Variants in AP5M1 observed in about 807,000 individuals in gnomAD.
AP5M1 encodes adaptor related protein complex 5 subunit mu 1.
Under a neutral mutation model 52.3 loss-of-function variants are expected in AP5M1, and 44 were observed. The observed-to-expected ratio is 0.84, with a 90% CI of 0.66 to 1.08. The LOEUF is 1.08. AP5M1 is among the 50% of genes least tolerant of loss of function. The pLI, the probability that AP5M1 is intolerant of heterozygous loss-of-function variation, is 0.00. For missense variants in AP5M1, 526 were observed against 568.4 expected (o/e 0.93, Z 0.76); for synonymous variants, 213 against 199.0 (o/e 1.07, Z -0.59).
Position 57,280,371 on chromosome 14 carries a change from T to G in AP5M1, c.897T>G (p.Phe299Leu), listed in dbSNP as rs1387552382. ...CTGCATTTAGTGGGCCTTACAAATT[T>G]CCATTCACTCCACCTTTAGAGTCAT... ...DDSAFSGPYKFPFTPPLESFN... is the reference protein window; with the variant it reads ...DDSAFSGPYKLPFTPPLESFN... Residue 299 changes from phenylalanine (F) to leucine (L), a missense_variant, in exon 3 of 8, where the codon TTT (phenylalanine) becomes TTG (leucine). Around this residue, in one of 3 missense-constraint regions of AP5M1, gnomAD observed 425 missense variants for 430.6 expected, o/e 0.99. Coordinates refer to ENST00000261558, the MANE Select transcript of AP5M1 (RefSeq NM_018229.4). 6.2e-7 allele frequency: 1 copy of G among 1,614,040 alleles called. No individual in the cohort carries two copies.
chr14:57,291,956 A>C lies in AP5M1; in HGVS notation c.*3072A>C, dbSNP rs1320946440. 1 of 151,898 alleles carries C rather than the reference A, an allele frequency of 6.6e-6. No homozygotes were observed. Among genetic ancestry groups the C allele is most frequent in the Non-Finnish European group, 1.5e-5 (1 of 67,846 alleles). The allele number at this position is 151,898 out of a possible 1,614,324, so 9.4% of individuals were successfully genotyped here. A position where few individuals can be genotyped will look rare whatever the true frequency, so the allele number is the denominator to read the frequency against. ...GTCAAAAAAAGGGGTGTTAATAAAC[A>C]GTCCTCAGGTTTAAGGGACTTTTTT... On this transcript the variant is annotated 3_prime_UTR_variant, in exon 8 of 8. Transcript: ENST00000261558.
chr14:57,274,075 T>G (rs1189898), intron 1 of AP5M1, among the ~76,000 whole-genome samples, 169 bp from the exon 2 acceptor site: 103,476 of 152,036 alleles, frequency 0.68, 37,145 homozygotes, highest in African/African-American at 0.92. Context: ...AACTTAATGG[T>G]CATTATAATT....
intron 2 of AP5M1, chr14:57,278,399 C>G (rs1340075226): frequency 6.6e-6 from 1 of 152,232 alleles, no homozygotes; most frequent in African/African-American, 2.4e-5. Context: ...AAGGAAAGGT[C>G]CGCAGAAGTG....
chr14:57,285,348 C>T (rs956269375), intron 6 of AP5M1, among the ~76,000 whole-genome samples: 1 of 152,160 alleles, frequency 6.6e-6, no homozygotes, highest in Non-Finnish European at 1.5e-5. Context: ...TCTATTCATT[C>T]CCATCACCAA....
In AP5M1 at chr14:57,298,013, G is replaced by A. The variant is rs1208679721; in HGVS notation, c.*9129G>A. ...TTCAGACACACTGTGTAGTGCCTTG[G>A]CTTAAACTGTCAGACTGGCAACAGC... On this transcript the variant is annotated 3_prime_UTR_variant, in exon 8 of 8. Coordinates refer to ENST00000261558, the MANE Select transcript of AP5M1 (RefSeq NM_018229.4). 2 of 152,138 alleles carry A rather than the reference G, an allele frequency of 1.3e-5. No individual in the cohort carries two copies. The highest frequency in any genetic ancestry group is 3.9e-4 in the East Asian group (2 of 5,188). The allele number at this position is 152,138 out of a possible 1,614,324, so 9.4% of individuals were successfully genotyped here.
Position 57,269,128 on chromosome 14 carries a change from C to T in AP5M1, c.-187C>T, listed in dbSNP as rs1884806513. On this transcript the variant is annotated 5_prime_UTR_variant, in exon 1 of 8. Coordinates refer to ENST00000261558, the MANE Select transcript of AP5M1 (RefSeq NM_018229.4). ...AGAACTTTTTGTGGTGTGTGTTGGC[C>T]TAGAGCGACTCAGAAGCGTTAGTGA... 1 of 609,672 alleles carries T rather than the reference C, an allele frequency of 1.6e-6. No homozygotes were observed. Among genetic ancestry groups the T allele is most frequent in the Non-Finnish European group, 2.9e-6 (1 of 345,030 alleles). The allele number at this position is 609,672 out of a possible 1,614,324, so 37.8% of individuals were successfully genotyped here.
rs750063480 is a variant in AP5M1, at chr14:57,274,537, T to C, written c.368T>C (p.Ile123Thr). 2.5e-6 allele frequency: 4 copies of C among 1,614,186 alleles called. No individual in the cohort carries two copies. Among genetic ancestry groups the C allele is most frequent in the Non-Finnish European group, 3.4e-6 (4 of 1,180,020 alleles). ...ACTCTGTCCCCTCGTCCGCCACTAA[T>C]TAGTGTCAGTGGAGTTTCACAAGGC... ...EQTLSPRPPL[I>T]SVSGVSQGFE... The change falls in exon 2 of 8, where the codon ATT becomes ACT. Residue 123 changes from isoleucine to threonine, a missense_variant. Coordinates refer to ENST00000261558, the MANE Select transcript of AP5M1 (RefSeq NM_018229.4).
rs527514265 is a variant in AP5M1 at position 57,273,719 on chromosome 14, G to A, written c.75-525G>A. The A allele has an allele frequency of 2.1e-4, 146 of 702,144 alleles. 2 individuals carry two copies. The highest frequency in any genetic ancestry group is 2.0e-3 in the South Asian group (138 of 67,558). The allele number at this position is 702,144 out of a possible 1,614,324, so 43.5% of individuals were successfully genotyped here. ...TCCATGTTTTTGTAGGGATTGGCAA[G>A]AAGACTCAGGGTACCTGTCATTCAC... On this transcript the variant is annotated intron_variant, in intron 1 of 7. Coordinates refer to ENST00000261558, the MANE Select transcript of AP5M1 (RefSeq NM_018229.4).
chr14:57,283,837 T>C (rs1169253293), intron 6 of AP5M1, among the ~76,000 whole-genome samples: 1 of 151,948 alleles, frequency 6.6e-6, no homozygotes, highest in Non-Finnish European at 1.5e-5. Flanking sequence ...AATAGAAAAA[T>C]CAGCTGGGCA....
intron 2 of AP5M1, 22 bp from the exon 3 acceptor site, chr14:57,280,172 TA>T: frequency 6.4e-7 from 1 of 1,556,704 alleles, no homozygotes. Flanking sequence ...ATTTTGGTGA[TA>T]ATCTTTCTGT....
chr14:57,277,743 TGAAAACAAAAGTAGGTTTATAATTA>T (rs1885076020), intron 2 of AP5M1, among the ~76,000 whole-genome samples: 1 of 114,490 alleles, frequency 8.7e-6, no homozygotes, highest in South Asian at 2.4e-4. Flanking sequence ...CATTAGAAAT[TGAAAACAAAAGTAGGTTTATAATTA>T]GAAAAAGATA....
At chr14:57,287,667 T>A (rs991907717) in intron 7 of AP5M1, among the ~76,000 whole-genome samples, 1 of 152,170 alleles carries the variant, frequency 6.6e-6, no homozygotes, top group Non-Finnish European at 1.5e-5. Flanking sequence ...TTTTCTTTCC[T>A]CTGTTAGTTT....
At chr14:57,281,490 T>G (rs1041025855) in intron 3 of AP5M1, among the ~76,000 whole-genome samples, 1 of 152,240 alleles carries the variant, frequency 6.6e-6, no homozygotes, top group African/African-American at 2.4e-5. Flanking sequence ...AGAAAATTAG[T>G]ATCAGCCTGT....
rs915174565 is a variant in AP5M1 at position 57,293,901 on chromosome 14, A to G, written c.*5017A>G. The G allele has an allele frequency of 7.9e-5, 12 of 151,666 alleles. No individual in the cohort carries two copies. The highest frequency in any genetic ancestry group is 2.9e-4 in the African/African-American group (12 of 41,382). The allele number at this position is 151,666 out of a possible 1,614,324, so 9.4% of individuals were successfully genotyped here. The stretch of plus-strand genomic sequence containing the variant: ...CACAGTATTAGTTAATAGTAATGAA[A>G]TGATTCATTAAACTGAAAATTGCAA... On this transcript the variant is annotated 3_prime_UTR_variant, in exon 8 of 8. Coordinates refer to ENST00000261558, the MANE Select transcript of AP5M1 (RefSeq NM_018229.4).
At chr14:57,271,987 G>GTA (rs1269383288) in intron 1 of AP5M1, among the ~76,000 whole-genome samples, 1 of 152,138 alleles carries the variant, frequency 6.6e-6, no homozygotes, top group Non-Finnish European at 1.5e-5. Flanking sequence ...CTCAGTTCTA[G>GTA]TACTTTGTCT....
intron 6 of AP5M1, among the ~76,000 whole-genome samples, chr14:57,284,363 C>T (rs1885257474): frequency 6.6e-6 from 1 of 152,016 alleles, no homozygotes; most frequent in Admixed American, 6.5e-5. Flanking sequence ...TACTTTTATT[C>T]CTTTGGTTGA....
At chr14:57,270,974 A>G (rs887478612) in intron 1 of AP5M1, among the ~76,000 whole-genome samples, 5 of 152,206 alleles carry the variant, frequency 3.3e-5, no homozygotes, top group Non-Finnish European at 7.4e-5. Context: ...TGTACTGGCT[A>G]ATACTGTAGC....
chr14:57,275,135 T>C, intron 2 of AP5M1: 1 of 503,576 alleles, frequency 2.0e-6, no homozygotes, highest in East Asian at 3.9e-5. Flanking sequence ...TCATAGTTTC[T>C]GTAGGGATTA....
chr14:57,275,404 G>A (rs976483222), intron 2 of AP5M1: 2 of 144,684 alleles, frequency 1.4e-5, no homozygotes, highest in African/African-American at 2.8e-5. Context: ...AGAGGGGTGG[G>A]GGGGGGAGAG....
Sources: gnomAD v4.1 joint callset for allele counts (sites outside exome capture counted in the v4.1 genomes callset) on GRCh38, gnomAD v4.1.1 for gene constraint, gnomAD v4.1.1 regional missense constraint, MANE v1.5 for transcripts, NCBI Gene and HGNC (gene_info 2026-07-23, HGNC 2026-07-21) for gene names.